The following MYO5B variants were observed in gnomAD, a reference collection of about 807,000 sequenced individuals.
MYO5B encodes unconventional myosin-Vb.
Under a neutral mutation model 229.3 loss-of-function variants are expected in MYO5B, and 143 were observed. The observed-to-expected ratio is 0.62, with a 90% CI of 0.54 to 0.72. MYO5B has a LOEUF of 0.72. Ranked by LOEUF, MYO5B falls within the 30% of genes least tolerant of loss-of-function variation. The pLI, the probability that MYO5B is intolerant of heterozygous loss-of-function variation, is 0.00. For synonymous variants in MYO5B, 918 were observed against 885.2 expected (o/e 1.04, Z -0.66); for missense variants, 2,321 against 2,331.0 (o/e 1.00, Z 0.09).
intron 18 of MYO5B, among the ~76,000 whole-genome samples, chr18:49,910,414 T>G (rs1469284696): frequency 6.6e-6 from 1 of 152,110 alleles, no homozygotes; most frequent in Non-Finnish European, 1.5e-5. Context: ...GGCCCTGAAA[T>G]CAGCTGACCT....
chr18:49,943,728 A>G (rs141211662), intron 14 of MYO5B, among the ~76,000 whole-genome samples: 4 of 152,368 alleles, frequency 2.6e-5, no homozygotes, highest in South Asian at 2.1e-4. Context: ...AGCCTCTTCT[A>G]TATCATGGAG....
chr18:50,095,789 T>G (rs546279030), intron 1 of MYO5B, among the ~76,000 whole-genome samples: 163 of 152,346 alleles, frequency 1.1e-3, no homozygotes, highest in African/African-American at 3.5e-3. Flanking sequence ...CCACCAGAAC[T>G]TAGACACTCC....
chr18:50,043,352 A>T (rs9952594), intron 2 of MYO5B, among the ~76,000 whole-genome samples: 228 of 89,394 alleles, frequency 2.6e-3, no homozygotes, highest in African/African-American at 8.6e-3. Context: ...TATTATATAT[A>T]ATATAAATAT....
At chr18:49,894,437 GA>G (rs1264645946) in intron 22 of MYO5B, among the ~76,000 whole-genome samples, 6 of 152,188 alleles carry the variant, frequency 3.9e-5, no homozygotes, top group Non-Finnish European at 7.3e-5. Context: ...CAAAGCTCAG[GA>G]AGTTCTATTT....
chr18:50,165,590 A>G (rs1372001688), intron 1 of MYO5B, among the ~76,000 whole-genome samples: 1 of 152,214 alleles, frequency 6.6e-6, no homozygotes, highest in Non-Finnish European at 1.5e-5. Flanking sequence ...AGTCTGGCCA[A>G]TATGATGAAA....
chr18:49,910,688 T>G (rs987971811), intron 18 of MYO5B, among the ~76,000 whole-genome samples: 1 of 152,216 alleles, frequency 6.6e-6, no homozygotes, highest in African/African-American at 2.4e-5. Context: ...ATAGCTAGAC[T>G]TGAGCAGCTA....
At chr18:49,984,689 C>A (rs762430069) in intron 8 of MYO5B, 29 bp downstream of exon 8, 8 of 1,532,652 alleles carry the variant, frequency 5.2e-6, no homozygotes, top group Non-Finnish European at 7.2e-6. Context: ...GCCCTCGGGG[C>A]CTGCTTCCCC....
chr18:50,073,729 A>C (rs186010800), intron 1 of MYO5B, among the ~76,000 whole-genome samples: 48 of 152,198 alleles, frequency 3.2e-4, no homozygotes, highest in African/African-American at 1.2e-3. Context: ...TGAGCCCCTG[A>C]ATCCTTTCCT....
chr18:49,991,099 T>G (rs2025927555), intron 6 of MYO5B, among the ~76,000 whole-genome samples: 1 of 151,990 alleles, frequency 6.6e-6, no homozygotes, highest in African/African-American at 2.4e-5. Flanking sequence ...GCTCCAGGGG[T>G]GTCCAGGAAA....
At chr18:49,932,357 G>C (rs988445724) in intron 16 of MYO5B, among the ~76,000 whole-genome samples, 4 of 152,174 alleles carry the variant, frequency 2.6e-5, no homozygotes, top group Non-Finnish European at 4.4e-5. Context: ...AGCGTGCCTG[G>C]AGCTGGTCCC....
In MYO5B at chr18:50,102,595, A is replaced by C. The variant is rs570296697; in HGVS notation, c.28-47217T>G. 1.1e-3 allele frequency among the ~76,000 whole-genome samples: 173 copies of C among 152,286 alleles called. 2 individuals are homozygous for C. In the South Asian group the frequency reaches 0.018, roughly 16 times the overall value. On this transcript the variant is annotated intron_variant, in intron 1 of 39. Coordinates refer to ENST00000285039, the MANE Select transcript of MYO5B (RefSeq NM_001080467.3). Reference sequence around the variant, plus strand: ...GCAAAATACCTCTGATGCAGGGTGAAGGCTGCTCCAACCCAGTCCTGCACA... The same window carrying C: ...GCAAAATACCTCTGATGCAGGGTGACGGCTGCTCCAACCCAGTCCTGCACA...
At chr18:50,006,315 G>A (rs2026100396) in intron 4 of MYO5B, among the ~76,000 whole-genome samples, 1 of 152,134 alleles carries the variant, frequency 6.6e-6, no homozygotes, top group Non-Finnish European at 1.5e-5. Context: ...GACTTGGCTG[G>A]CAACTTGCAT....
At chr18:50,040,561 A>G (rs146334483) in intron 2 of MYO5B, among the ~76,000 whole-genome samples, 58 of 152,298 alleles carry the variant, frequency 3.8e-4, no homozygotes, top group African/African-American at 1.3e-3. Context: ...AGAGTGTTCT[A>G]TTGCTTCTTA....
chr18:49,871,946 A>G (rs1303221480), intron 27 of MYO5B, among the ~76,000 whole-genome samples: 1 of 152,204 alleles, frequency 6.6e-6, no homozygotes, highest in African/African-American at 2.4e-5. Flanking sequence ...AACTGAAATT[A>G]TATTGGGTAG....
At chr18:50,173,742 TG>T (rs1032711631) in intron 1 of MYO5B, among the ~76,000 whole-genome samples, 1 of 152,048 alleles carries the variant, frequency 6.6e-6, no homozygotes, top group African/African-American at 2.4e-5. Flanking sequence ...TGGTGAGAGC[TG>T]GGGGGAGAAA....
intron 1 of MYO5B, among the ~76,000 whole-genome samples, chr18:50,143,930 C>T (rs1038488192): frequency 1.3e-5 from 2 of 152,182 alleles, no homozygotes; most frequent in Non-Finnish European, 2.9e-5. Context: ...CATGGAATAT[C>T]CATTTTCTGG....
In MYO5B at chr18:49,856,732, T is replaced by G. The variant is rs476598; in HGVS notation, c.4022+81A>C. 3 of 1,219,980 alleles carry G rather than the reference T, an allele frequency of 2.5e-6. No individual in the cohort carries two copies. The Admixed American group carries it at 5.1e-5, about 21-fold the overall frequency. The allele number at this position is 1,219,980 out of a possible 1,614,324, so 75.6% of individuals were successfully genotyped here. On this transcript the variant is annotated intron_variant, in intron 30 of 39. Coordinates refer to ENST00000285039, the MANE Select transcript of MYO5B (RefSeq NM_001080467.3). Reference sequence around the variant, plus strand: ...CTGTTCCCCGTGCTCTCGCACCCACTGTAGCTGAAAAACGGTTAAGCATAG... The same window carrying G: ...CTGTTCCCCGTGCTCTCGCACCCACGGTAGCTGAAAAACGGTTAAGCATAG...
chr18:49,931,754 C>T lies in MYO5B; in HGVS notation c.2004-2156G>A, dbSNP rs550356153. 3.9e-5 allele frequency among the ~76,000 whole-genome samples: 6 copies of T among 152,312 alleles called. No homozygotes were observed. The East Asian group carries it at 7.7e-4, about 20-fold the overall frequency. On this transcript the variant is annotated intron_variant, in intron 16 of 39. Transcript: ENST00000285039. ...CGAGTGATCAGAAGCCTTCGGGCTG[C>T]GGGCTCCCCTGCTCACAGGCTCTCA...
chr18:50,135,608 A>G (rs1831613382), intron 1 of MYO5B, among the ~76,000 whole-genome samples: 3 of 152,354 alleles, frequency 2.0e-5, no homozygotes, highest in South Asian at 2.1e-4. Flanking sequence ...AATCATTCCC[A>G]GAGAGAAGAT....
Sources: allele counts gnomAD v4.1 joint callset (sites outside exome capture counted in the v4.1 genomes callset), GRCh38; gene constraint gnomAD v4.1.1; transcripts MANE v1.5; gene names NCBI Gene and HGNC (gene_info 2026-07-23, HGNC 2026-07-21).